Variants in RBFOX1 observed in about 807,000 individuals in gnomAD.
RBFOX1 encodes the protein RNA binding fox-1 homolog 1.
Under a neutral mutation model 57.7 loss-of-function variants are expected in RBFOX1, and 8 were observed. That is an observed-to-expected ratio of 0.14 (90% CI 0.08 to 0.25). The LOEUF is 0.25. RBFOX1 is among the 10% of genes least tolerant of loss of function. The probability of loss-of-function intolerance (pLI) is 1.00; values close to 1 mark genes in which losing one functional copy is unlikely to be tolerated. For missense variants in RBFOX1, 611 were observed against 548.5 expected, an observed-to-expected ratio of 1.11 and a Z score of -1.14; for synonymous variants, 326 against 222.4, an observed-to-expected ratio of 1.47 and a Z score of -4.15.
chr16:6,218,387 C>A (rs1018860069), intron 1 of RBFOX1, among the ~76,000 whole-genome samples: 1 of 152,088 alleles, frequency 6.6e-6, no homozygotes, highest in African/African-American at 2.4e-5. Flanking sequence ...CGGCTCACTG[C>A]GACACCTGCC....
chr16:6,238,942 C>G (rs564407231), intron 1 of RBFOX1, among the ~76,000 whole-genome samples: 3 of 152,198 alleles, frequency 2.0e-5, no homozygotes, highest in African/African-American at 7.2e-5. Flanking sequence ...GTACCGTTAA[C>G]TTATTTTTGA....
rs145003832 is a variant in RBFOX1 at position 7,320,124 on chromosome 16, A to G, written c.28-198023A>G. ...ATACATGTGCAGGATGTGCAGGTTTATCACATAGGTAAACGTGTGCCATGG... is the reference window on the plus strand; with the variant it reads ...ATACATGTGCAGGATGTGCAGGTTTGTCACATAGGTAAACGTGTGCCATGG... On this transcript the variant is annotated intron_variant, in intron 4 of 15. Transcript: ENST00000550418. Among the ~76,000 whole-genome samples the G allele has an allele frequency of 4.0e-3, 612 of 152,284 alleles. 5 individuals carry two copies. Among genetic ancestry groups the G allele is most frequent in the Non-Finnish European group, 3.1e-3 (210 of 68,010 alleles).
intron 1 of RBFOX1, among the ~76,000 whole-genome samples, chr16:6,242,264 A>G (rs948738420): frequency 3.3e-5 from 5 of 152,190 alleles, no homozygotes; most frequent in African/African-American, 1.2e-4. Context: ...TTCAAACAGG[A>G]TCATATCCAA....
chr16:6,884,479 C>A (rs1313984007), intron 3 of RBFOX1, among the ~76,000 whole-genome samples: 1 of 152,168 alleles, frequency 6.6e-6, no homozygotes, highest in African/African-American at 2.4e-5. Flanking sequence ...TGGCTACAAA[C>A]TGTTAAGTAC....
At chr16:5,485,755 G>A (rs1425913457) in intron 2 of RBFOX1, among the ~76,000 whole-genome samples, 1 of 152,166 alleles carries the variant, frequency 6.6e-6, no homozygotes, top group Non-Finnish European at 1.5e-5. Context: ...ACACCGTCCA[G>A]AACTTCAAAA....
chr16:7,239,176 C>T (rs1010173509), intron 4 of RBFOX1, among the ~76,000 whole-genome samples: 1 of 152,064 alleles, frequency 6.6e-6, no homozygotes, highest in East Asian at 1.9e-4. Flanking sequence ...TATGATGAGG[C>T]TACTTCTACC....
intron 5 of RBFOX1, among the ~76,000 whole-genome samples, chr16:7,541,462 G>T (rs2082914689): frequency 6.8e-6 from 1 of 148,032 alleles, no homozygotes; most frequent in South Asian, 2.2e-4. Context: ...TTTTTATCAG[G>T]TTTTTTTTTT....
chr16:5,362,562 A>G (rs1233762124), intron 1 of RBFOX1, among the ~76,000 whole-genome samples: 2 of 152,144 alleles, frequency 1.3e-5, no homozygotes, highest in Non-Finnish European at 2.9e-5. Context: ...GGGTTTCTCC[A>G]TGTTGGTCAG....
intron 7 of RBFOX1, among the ~76,000 whole-genome samples, chr16:7,592,474 C>T (rs1282655313): frequency 2.0e-5 from 3 of 152,162 alleles, no homozygotes; most frequent in African/African-American, 7.2e-5. Context: ...TCAGTCTCAC[C>T]TGGCTGTGTT....
intron 3 of RBFOX1, among the ~76,000 whole-genome samples, chr16:6,924,406 A>T (rs1397686327): frequency 1.3e-5 from 2 of 151,962 alleles, no homozygotes; most frequent in African/African-American, 4.8e-5. Flanking sequence ...AAACAACCAG[A>T]TCTCGTGTGA....
intron 2 of RBFOX1, among the ~76,000 whole-genome samples, chr16:6,438,078 G>A (rs1407859389): frequency 3.3e-5 from 5 of 152,148 alleles, no homozygotes. Context: ...GGTTAAGAGA[G>A]TTTGTATTTC....
intron 2 of RBFOX1, among the ~76,000 whole-genome samples, chr16:6,509,467 G>T (rs1399819268): frequency 1.3e-5 from 2 of 152,136 alleles, no homozygotes; most frequent in South Asian, 2.1e-4. Context: ...TTGCTTATTT[G>T]TGGGAGCTAA....
At position 6,986,629 on chromosome 16, in the gene RBFOX1, G is replaced by T. The variant is rs1254743441; in HGVS notation, c.-15-65428G>T. ...TTTTTAATATTAAATATTTTTTACTGCATTTGCTCATCCTCTGTCTCCCTC... is the reference window on the plus strand; with the variant it reads ...TTTTTAATATTAAATATTTTTTACTTCATTTGCTCATCCTCTGTCTCCCTC... On this transcript the variant is annotated intron_variant, in intron 3 of 15. Transcript: ENST00000550418. 2.6e-5 allele frequency among the ~76,000 whole-genome samples: 4 copies of T among 152,072 alleles called. No homozygotes were observed. The East Asian group carries it at 7.7e-4, about 29-fold the overall frequency.
chr16:5,486,563 A>C (rs912658566), intron 2 of RBFOX1, among the ~76,000 whole-genome samples: 52 of 152,178 alleles, frequency 3.4e-4, no homozygotes, highest in Admixed American at 4.6e-4. Flanking sequence ...CAGTTACTTG[A>C]CAGATGTTCT....
chr16:6,606,086 G>A (rs2097921375), intron 2 of RBFOX1, among the ~76,000 whole-genome samples: 1 of 152,068 alleles, frequency 6.6e-6, no homozygotes, highest in African/African-American at 2.4e-5. Flanking sequence ...TCTAGCCTGG[G>A]TGACAGAGCG....
At chr16:5,712,117 C>T (rs2051510493) in intron 3 of RBFOX1, among the ~76,000 whole-genome samples, 1 of 152,142 alleles carries the variant, frequency 6.6e-6, no homozygotes, top group Non-Finnish European at 1.5e-5. Context: ...AAAACCATTA[C>T]ATCTTGTGAG....
intron 3 of RBFOX1, among the ~76,000 whole-genome samples, chr16:6,824,995 T>TTTTC (rs2091930687): frequency 9.4e-6 from 1 of 106,602 alleles, no homozygotes; most frequent in Non-Finnish European, 1.9e-5. Context: ...TTTTTTTTTT[T>TTTTC]TTTTTTTTTT....
At chr16:7,367,371 C>G (rs1201427058) in intron 4 of RBFOX1, among the ~76,000 whole-genome samples, 1 of 152,186 alleles carries the variant, frequency 6.6e-6, no homozygotes, top group Non-Finnish European at 1.5e-5. Flanking sequence ...GTAAATCTGT[C>G]ATTTTGGCTA....
At chr16:6,695,483 G>A (rs1286239232) in intron 3 of RBFOX1, among the ~76,000 whole-genome samples, 2 of 148,420 alleles carry the variant, frequency 1.3e-5, no homozygotes, top group African/African-American at 4.9e-5. Flanking sequence ...ATAATTAAAT[G>A]TATCTGGTCA....
Sources: allele counts gnomAD v4.1 joint callset (sites outside exome capture counted in the v4.1 genomes callset), GRCh38; gene constraint gnomAD v4.1.1; transcripts MANE v1.5; gene names NCBI Gene and HGNC (gene_info 2026-07-23, HGNC 2026-07-21).